Variants in BCAR3 observed in about 807,000 individuals in gnomAD.
BCAR3 encodes breast cancer anti-estrogen resistance protein 3.
Under a neutral mutation model 80.1 loss-of-function variants are expected in BCAR3, and 37 were observed. The observed-to-expected ratio is 0.46, with a 90% CI of 0.36 to 0.61. The LOEUF (loss-of-function observed/expected upper bound fraction) is 0.61, where lower values mean the gene tolerates loss of function less well. BCAR3 is among the 20% of genes least tolerant of loss of function. The pLI, the probability that BCAR3 is intolerant of heterozygous loss-of-function variation, is 0.00. For missense variants in BCAR3, 978 were observed against 1,068.2 expected (o/e 0.92, Z 1.18); for synonymous variants, 389 against 418.9 (o/e 0.93, Z 0.87).
intron 1 of BCAR3, among the ~76,000 whole-genome samples, chr1:93,677,416 G>A (rs1224880182): frequency 6.6e-6 from 1 of 152,164 alleles, no homozygotes; most frequent in African/African-American, 2.4e-5. Flanking sequence ...CTGCCAAGGT[G>A]TCTGGACTTG....
upstream of BCAR3, among the ~76,000 whole-genome samples, chr1:93,685,928 A>T (rs548971734): frequency 8.1e-4 from 122 of 151,034 alleles, no homozygotes; most frequent in African/African-American, 2.8e-3. Context: ...TCTTTTTTGG[A>T]ATTTGTATTC....
At chr1:93,656,027 A>AC (rs954503055) in intron 2 of BCAR3, among the ~76,000 whole-genome samples, 1 of 152,072 alleles carries the variant, frequency 6.6e-6, no homozygotes, top group African/African-American at 2.4e-5. Flanking sequence ...CTCTGTATTC[A>AC]CCCTTGTTCT....
Position 93,812,582 on chromosome 1 carries a change from C to T in BCAR3, c.-63+32985G>A, listed in dbSNP as rs146665965. 4.8e-3 allele frequency among the ~76,000 whole-genome samples: 737 copies of T among 152,300 alleles called. 7 individuals are homozygous for T. The highest frequency in any genetic ancestry group is 0.014 in the African/African-American group (586 of 41,564). On this transcript the variant is annotated intron_variant, in intron 2 of 13. Coordinates refer to the BCAR3 transcript ENST00000370244. ...GCTTCCTTAGAAGGCCCTCCTCTAC[C>T]CCAGCTCCTCTGAAACCCAGTTTAA...
intron 7 of BCAR3, among the ~76,000 whole-genome samples, chr1:93,580,232 C>A (rs1005305655): frequency 1.3e-5 from 2 of 152,172 alleles, no homozygotes; most frequent in African/African-American, 4.8e-5. Flanking sequence ...TTGGCACTCC[C>A]TGCAGGAGTG....
intron 3 of BCAR3, among the ~76,000 whole-genome samples, chr1:93,627,595 G>A (rs541000970): frequency 2.6e-5 from 4 of 152,160 alleles, no homozygotes; most frequent in Non-Finnish European, 5.9e-5. Context: ...GTGCAAATAT[G>A]TAAAACAATG....
At chr1:93,613,770 T>C in intron 3 of BCAR3, 1 of 1,494,984 alleles carries the variant, frequency 6.7e-7, no homozygotes, top group Non-Finnish European at 9.1e-7. Flanking sequence ...CTTTTATCTA[T>C]TGCCCTTTAG....
rs1188738667 is a variant in BCAR3 at position 93,589,011 on chromosome 1, G to T, written c.895C>A (p.Arg299=). 1 of 1,592,606 alleles carries T rather than the reference G, an allele frequency of 6.3e-7. No individual in the cohort carries two copies. The highest frequency in any genetic ancestry group is 1.1e-5 in the South Asian group (1 of 89,118). ...TTTCCCCTGGGCAAATTCTGCTCTC[G>T]GGCCTGGACGCCACCCATGGTGAGG... ...LSLTMGGVQA[R]EQNLPRGNLL... The change falls in exon 5 of 12, where the codon CGA becomes AGA. Residue 299 remains arginine, a synonymous_variant. Transcript: ENST00000260502.
intron 2 of BCAR3, among the ~76,000 whole-genome samples, chr1:93,756,641 G>A (rs1489682213): frequency 2.6e-5 from 4 of 152,060 alleles, no homozygotes. Flanking sequence ...AATTACTTTT[G>A]AACAAAAACC....
At chr1:93,760,703 C>T (rs188785715) in intron 2 of BCAR3, among the ~76,000 whole-genome samples, 4 of 152,280 alleles carry the variant, frequency 2.6e-5, no homozygotes, top group African/African-American at 9.6e-5. Context: ...GGCCAGGCTC[C>T]TTCTGTGGGC....
At chr1:93,707,692 G>T (rs796210309) in intron 2 of BCAR3, among the ~76,000 whole-genome samples, 4 of 152,298 alleles carry the variant, frequency 2.6e-5, no homozygotes, top group African/African-American at 9.6e-5. Flanking sequence ...GGGTGATAGA[G>T]TGAGACTCAG....
At chr1:93,690,973 T>C (rs1649166776) in intron 3 of BCAR3, among the ~76,000 whole-genome samples, 1 of 152,236 alleles carries the variant, frequency 6.6e-6, no homozygotes, top group Non-Finnish European at 1.5e-5. Flanking sequence ...TTAACACTTC[T>C]GTTTCACAGT....
At chr1:93,749,889 A>ATTTTTTTTT (rs368121693) in intron 2 of BCAR3, among the ~76,000 whole-genome samples, 1 of 133,476 alleles carries the variant, frequency 7.5e-6, no homozygotes, top group African/African-American at 2.8e-5. Flanking sequence ...ATCTTGACTT[A>ATTTTTTTTT]TTTTTTTTTT....
At chr1:93,760,643 T>C (rs1571105021) in intron 2 of BCAR3, among the ~76,000 whole-genome samples, 2 of 151,820 alleles carry the variant, frequency 1.3e-5, no homozygotes, top group East Asian at 3.9e-4. Flanking sequence ...ATTAGCCATG[T>C]CACTAGGAAG....
intron 2 of BCAR3, chr1:93,845,502 A>ATCTCATGTTGTC: frequency 8.8e-6 from 1 of 113,822 alleles, no homozygotes; most frequent in Non-Finnish European, 1.8e-5. Flanking sequence ...ATATATATAT[A>ATCTCATGTTGTC]AAACTTTGTT....
intron 2 of BCAR3, among the ~76,000 whole-genome samples, chr1:93,723,793 G>A (rs1261155972): frequency 6.6e-6 from 1 of 152,150 alleles, no homozygotes; most frequent in Non-Finnish European, 1.5e-5. Flanking sequence ...ACTGAAGGAG[G>A]CCAGGAGTTT....
At chr1:93,663,959 T>C (rs1023250779) in intron 2 of BCAR3, among the ~76,000 whole-genome samples, 1 of 152,206 alleles carries the variant, frequency 6.6e-6, no homozygotes, top group African/African-American at 2.4e-5. Flanking sequence ...CTTGAGGCCA[T>C]GGGATTGTGT....
intron 3 of BCAR3, among the ~76,000 whole-genome samples, chr1:93,602,911 A>G (rs1204425858): frequency 2.0e-5 from 3 of 152,234 alleles, no homozygotes; most frequent in African/African-American, 7.2e-5. Flanking sequence ...TGGCGATCCT[A>G]AAGCCTTGCA....
chr1:93,683,303 T>G (rs1346485772), upstream of BCAR3, among the ~76,000 whole-genome samples: 1 of 152,174 alleles, frequency 6.6e-6, no homozygotes, highest in Admixed American at 6.5e-5. Context: ...TGATCTAACT[T>G]CATACCACCC....
intron 2 of BCAR3, among the ~76,000 whole-genome samples, chr1:93,744,341 G>A (rs1557673212): frequency 6.6e-6 from 1 of 152,120 alleles, no homozygotes; most frequent in Non-Finnish European, 1.5e-5. Flanking sequence ...GTTTCAACAG[G>A]GGTAAATACC....
Sources: gnomAD v4.1 joint callset for allele counts (sites outside exome capture counted in the v4.1 genomes callset) on GRCh38, gnomAD v4.1.1 for gene constraint, MANE v1.5 for transcripts, NCBI Gene and HGNC (gene_info 2026-07-23, HGNC 2026-07-21) for gene names.